Variants in IQCJ observed in about 807,000 individuals in gnomAD.
IQCJ encodes IQ domain-containing protein J.
A neutral mutation model predicts 11.0 loss-of-function variants in IQCJ; 9 were observed. That is an observed-to-expected ratio of 0.82 (90% CI 0.49 to 1.43). The LOEUF is 1.43. IQCJ is among the 40% of genes most tolerant of loss of function. IQCJ has a pLI of 0.00. For synonymous variants in IQCJ, 55 were observed against 51.3 expected, an observed-to-expected ratio of 1.07 and a Z score of -0.31; for missense variants, 146 against 133.2, an observed-to-expected ratio of 1.10 and a Z score of -0.47.
At chr3:159,123,505 G>T (rs528668909) in intron 1 of IQCJ, among the ~76,000 whole-genome samples, 10 of 152,246 alleles carry the variant, frequency 6.6e-5, no homozygotes, top group Admixed American at 2.0e-4. Context: ...GGTGATGATG[G>T]TGGGTGGTTT....
chr3:159,145,218 T>C (rs1720857406), intron 1 of IQCJ, among the ~76,000 whole-genome samples: 1 of 152,200 alleles, frequency 6.6e-6, no homozygotes, highest in South Asian at 2.1e-4. Flanking sequence ...GTGATTTCCC[T>C]ACTGATGTAG....
At position 159,262,945 on chromosome 3, in the gene IQCJ, G is replaced by T; in HGVS notation, c.*214G>T. On this transcript the variant is annotated 3_prime_UTR_variant, in exon 4 of 4. Transcript: ENST00000397832. ...GTGTTCTCATTTCTCTATTATGGAG[G>T]TATCTTTTTTGCTTTTCTTTATAAT... is the stretch of plus-strand genomic sequence containing the variant. 1 of 1,291,070 alleles carries T rather than the reference G, an allele frequency of 7.7e-7. No individual in the cohort carries two copies. The highest frequency in any genetic ancestry group is 1.5e-5 in the African/African-American group (1 of 67,534). The allele number at this position is 1,291,070 out of a possible 1,614,324, so 80.0% of individuals were successfully genotyped here.
intron 1 of IQCJ, among the ~76,000 whole-genome samples, chr3:159,147,458 G>A (rs970649211): frequency 2.6e-5 from 4 of 152,128 alleles, no homozygotes; most frequent in Non-Finnish European, 4.4e-5. Flanking sequence ...GACCTCTGAA[G>A]AATAAATATG....
At position 159,093,974 on chromosome 3, in the gene IQCJ, G is replaced by A. The variant is rs73874801; in HGVS notation, c.9+24533G>A. Reference sequence around the variant, plus strand: ...AATTCAAGATGAGATTTTGGGTGGGGCACAGACAAATCATATCAGCCAGTA... The same window carrying A: ...AATTCAAGATGAGATTTTGGGTGGGACACAGACAAATCATATCAGCCAGTA... On this transcript the variant is annotated intron_variant, in intron 1 of 3. Transcript: ENST00000397832. 9.6e-3 allele frequency among the ~76,000 whole-genome samples: 1,459 copies of A among 151,884 alleles called. 51 individuals are homozygous for A. Among genetic ancestry groups the A allele is most frequent in the African/African-American group, 0.034 (1,413 of 41,186 alleles).
intron 1 of IQCJ, among the ~76,000 whole-genome samples, chr3:159,193,037 G>T (rs6441252): frequency 0.019 from 2,829 of 152,248 alleles, 91 homozygotes; most frequent in African/African-American, 0.065. Context: ...GGCTTATCTT[G>T]TGAGGCAACC....
In IQCJ at chr3:159,084,249, T is replaced by TAAA. The variant is rs3029980; in HGVS notation, c.9+14817_9+14819dup. Among the ~76,000 whole-genome samples, 203 of 149,732 alleles carry TAAA rather than the reference T, an allele frequency of 1.4e-3. 1 individual carries two copies. Among genetic ancestry groups the TAAA allele is most frequent in the Admixed American group, 3.5e-3 (53 of 15,056 alleles). On this transcript the variant is annotated intron_variant, in intron 1 of 3. Transcript: ENST00000397832. The stretch of plus-strand genomic sequence containing the variant: ...GAATCTACAATTATCTAAAAATAAG[T>TAAA]AAAAAAAAAAATAGGGAGAAAAATG...
Position 159,221,211 on chromosome 3 carries a change from T to G in IQCJ, c.10-24632T>G, listed in dbSNP as rs528690782. The stretch of plus-strand genomic sequence containing the variant: ...AAATGTCCACCATTCTATGTGATCC[T>G]AGACAAGTGCTTAACCTCTTGGAGT... On this transcript the variant is annotated intron_variant, in intron 1 of 3. Transcript: ENST00000397832. 7.9e-5 allele frequency among the ~76,000 whole-genome samples: 12 copies of G among 152,288 alleles called. No individual in the cohort carries two copies. The South Asian group carries it at 2.5e-3, about 32-fold the overall frequency.
intron 1 of IQCJ, among the ~76,000 whole-genome samples, chr3:159,204,958 C>G (rs1380519280): frequency 6.6e-6 from 1 of 152,200 alleles, no homozygotes; most frequent in African/African-American, 2.4e-5. Flanking sequence ...GATTGCACAT[C>G]ATGAGGTGGC....
At chr3:159,087,363 A>T (rs1418681400) in intron 1 of IQCJ, among the ~76,000 whole-genome samples, 2 of 148,220 alleles carry the variant, frequency 1.3e-5, no homozygotes, top group Non-Finnish European at 3.0e-5. Flanking sequence ...CATCAAGGAT[A>T]TTGGTCTAAA....
intron 1 of IQCJ, among the ~76,000 whole-genome samples, chr3:159,082,160 G>A (rs1345997376): frequency 6.6e-6 from 1 of 151,858 alleles, no homozygotes; most frequent in Non-Finnish European, 1.5e-5. Flanking sequence ...TACACAACCT[G>A]GTAGAGAAGA....
At chr3:159,077,087 G>A (rs1433257298) in intron 1 of IQCJ, among the ~76,000 whole-genome samples, 2 of 152,060 alleles carry the variant, frequency 1.3e-5, no homozygotes, top group African/African-American at 4.8e-5. Context: ...AGTACATTTA[G>A]GGGCAGGCAT....
chr3:159,143,416 T>C (rs1214530969), intron 1 of IQCJ, among the ~76,000 whole-genome samples: 2 of 152,198 alleles, frequency 1.3e-5, no homozygotes, highest in African/African-American at 4.8e-5. Context: ...TTTCTGTTGA[T>C]CTCTTTCTTT....
intron 1 of IQCJ, among the ~76,000 whole-genome samples, chr3:159,206,688 A>C (rs1001522255): frequency 6.6e-6 from 1 of 152,206 alleles, no homozygotes; most frequent in East Asian, 1.9e-4. Context: ...TCTTTTCCCA[A>C]GACCTAATTC....
intron 1 of IQCJ, among the ~76,000 whole-genome samples, chr3:159,181,006 T>C (rs1218664948): frequency 1.3e-5 from 2 of 151,954 alleles, no homozygotes; most frequent in African/African-American, 4.8e-5. Flanking sequence ...AACGTACATG[T>C]TGTCTTCTCC....
At chr3:159,084,100 G>C (rs1431187455) in intron 1 of IQCJ, among the ~76,000 whole-genome samples, 2 of 151,950 alleles carry the variant, frequency 1.3e-5, no homozygotes, top group African/African-American at 2.4e-5. Flanking sequence ...TTGGTGGATT[G>C]TATCAATATC....
In IQCJ at chr3:159,082,929, G is replaced by A. The variant is rs73025594; in HGVS notation, c.9+13488G>A. On this transcript the variant is annotated intron_variant, in intron 1 of 3. Coordinates refer to ENST00000397832, the MANE Select transcript of IQCJ (RefSeq NM_001042706.3). ...ATCTGATATCCTTCAGCAAGAACAC[G>A]AACCTCGACCACATGCCTTATACAA... Among the ~76,000 whole-genome samples the A allele has an allele frequency of 7.1e-3, 1,079 of 152,182 alleles. 14 individuals carry two copies. Among genetic ancestry groups the A allele is most frequent in the African/African-American group, 0.024 (1,015 of 41,514 alleles).
At chr3:159,101,293 G>T (rs989062048) in intron 1 of IQCJ, among the ~76,000 whole-genome samples, 2 of 151,204 alleles carry the variant, frequency 1.3e-5, no homozygotes, top group Non-Finnish European at 2.9e-5. Context: ...AGATGAACCC[G>T]GTACCTCAGA....
intron 2 of IQCJ, among the ~76,000 whole-genome samples, chr3:159,248,344 A>C (rs994160190): frequency 1.7e-4 from 26 of 152,192 alleles, no homozygotes; most frequent in African/African-American, 6.3e-4. Flanking sequence ...CAGCCCTTTG[A>C]CCAAATGAAG....
intron 3 of IQCJ, among the ~76,000 whole-genome samples, chr3:159,260,073 A>G (rs1235941426): frequency 6.6e-6 from 1 of 152,220 alleles, no homozygotes; most frequent in Non-Finnish European, 1.5e-5. Flanking sequence ...AAGGATATCC[A>G]TTAACTAGGA....
Sources: gnomAD v4.1 joint callset for allele counts (sites outside exome capture counted in the v4.1 genomes callset) on GRCh38, gnomAD v4.1.1 for gene constraint, MANE v1.5 for transcripts, NCBI Gene and HGNC (gene_info 2026-07-23, HGNC 2026-07-21) for gene names.